Variants in CACNA1E observed in about 807,000 individuals in gnomAD.
CACNA1E encodes the protein voltage-dependent R-type calcium channel subunit alpha-1E.
Under a neutral mutation model 259.2 loss-of-function variants are expected in CACNA1E, and 40 were observed. That is an observed-to-expected ratio of 0.15 (90% confidence interval 0.12 to 0.20). CACNA1E has a LOEUF of 0.20. CACNA1E is among the 10% of genes least tolerant of loss of function. The pLI is 1.00. For synonymous variants in CACNA1E, 1,104 were observed against 1,138.5 expected, an observed-to-expected ratio of 0.97 and a Z score of 0.61; for missense variants, 1,874 against 3,040.1, an observed-to-expected ratio of 0.62 and a Z score of 9.02.
At chr1:181,413,637 G>A (rs966349913) in intron 2 of CACNA1E, 1 of 152,802 alleles carries the variant, frequency 6.5e-6, no homozygotes, top group African/African-American at 2.4e-5. Context: ...AGGTCGGGGT[G>A]GGTTCCTGGA....
chr1:181,714,240 T>C lies in CACNA1E; in HGVS notation c.1172-1098T>C, dbSNP rs1572679509. Among the ~76,000 whole-genome samples, 3 of 152,178 alleles carry C rather than the reference T, an allele frequency of 2.0e-5. No homozygotes were observed. In the South Asian group the frequency reaches 6.2e-4, roughly 32 times the overall value. ...ACTCCCCACTGGTTCAGTAATTTGT[T>C]AGAATGACTCACAGAACTTTGGCAA... On this transcript the variant is annotated intron_variant, in intron 8 of 47. Coordinates refer to ENST00000367573, the MANE Select transcript of CACNA1E (RefSeq NM_001205293.3).
At chr1:181,615,297 T>A (rs1427010068) in intron 6 of CACNA1E, among the ~76,000 whole-genome samples, 4 of 152,118 alleles carry the variant, frequency 2.6e-5, no homozygotes, top group African/African-American at 9.7e-5. Flanking sequence ...TTCGAGCAAT[T>A]CTCTGTCTCA....
In CACNA1E at chr1:181,338,676, G is replaced by A. The variant is rs749559531; in HGVS notation, c.-15+20553G>A. 7.2e-5 allele frequency among the ~76,000 whole-genome samples: 11 copies of A among 152,022 alleles called. 1 individual carries two copies. Among genetic ancestry groups the A allele is most frequent in the Non-Finnish European group, 1.0e-4 (7 of 67,986 alleles). ...TTTTTAGTTTGATGCAGTACCACTT[G>A]TTTATTTTTGCTTTTGTTACCTAAG... On this transcript the variant is annotated intron_variant, in intron 1 of 11. Coordinates refer to the CACNA1E transcript ENST00000524607.
intron 1 of CACNA1E, among the ~76,000 whole-genome samples, chr1:181,496,414 C>T (rs1664757048): frequency 6.6e-6 from 1 of 152,222 alleles, no homozygotes; most frequent in South Asian, 2.1e-4. Context: ...GAAGGATCCC[C>T]TTTAGATCCT....
chr1:181,394,118 G>C (rs931163516), intron 1 of CACNA1E, among the ~76,000 whole-genome samples: 1 of 146,308 alleles, frequency 6.8e-6, no homozygotes, highest in Admixed American at 6.7e-5. Context: ...CTCAGTCCAG[G>C]TGTGTGTGGA....
intron 2 of CACNA1E, among the ~76,000 whole-genome samples, chr1:181,475,491 GAGA>G (rs934442486): frequency 2.6e-4 from 40 of 152,308 alleles, no homozygotes; most frequent in African/African-American, 8.7e-4. Context: ...CTAGGAGTGG[GAGA>G]AGCAGAAAAG....
At chr1:181,779,703 A>G (rs947557719) in intron 38 of CACNA1E, among the ~76,000 whole-genome samples, 3 of 152,140 alleles carry the variant, frequency 2.0e-5, no homozygotes, top group Non-Finnish European at 4.4e-5. Flanking sequence ...CAGCTGTTAC[A>G]TAAAGATAAG....
intron 25 of CACNA1E, among the ~76,000 whole-genome samples, chr1:181,747,969 C>T (rs1447495363): frequency 6.6e-6 from 1 of 152,198 alleles, no homozygotes; most frequent in Non-Finnish European, 1.5e-5. Flanking sequence ...GTACTCTTTT[C>T]ATTTCAAATG....
At chr1:181,495,470 G>A (rs1664668275) in intron 1 of CACNA1E, among the ~76,000 whole-genome samples, 1 of 152,206 alleles carries the variant, frequency 6.6e-6, no homozygotes, top group African/African-American at 2.4e-5. Context: ...TACATGCAAA[G>A]TGCTTGGAAC....
At position 181,803,368 on chromosome 1, in the gene CACNA1E, CTTATT is replaced by C. The variant is rs1358416793; in HGVS notation, c.*4538_*4542del. On this transcript the variant is annotated 3_prime_UTR_variant, in exon 48 of 48. Transcript: ENST00000367573. ...TTTAAAATATCTCCACATTGAGACT[CTTATT>C]TTAACAAAATCCAAACAAAATTAAC... is the stretch of plus-strand genomic sequence containing the variant. 1 of 152,200 alleles carries C rather than the reference CTTATT, an allele frequency of 6.6e-6. No homozygotes were observed. The highest frequency in any genetic ancestry group is 2.4e-5 in the African/African-American group (1 of 41,446). 9.4% of individuals were successfully genotyped at this position (152,200 alleles called of 1,614,324 possible).
chr1:181,432,696 C>T (rs1159535146), intron 2 of CACNA1E, among the ~76,000 whole-genome samples: 1 of 152,222 alleles, frequency 6.6e-6, no homozygotes, highest in East Asian at 1.9e-4. Context: ...GTTTTGGTCT[C>T]CCCTCTCTCA....
intron 1 of CACNA1E, among the ~76,000 whole-genome samples, chr1:181,402,980 G>A (rs1657212038): frequency 6.6e-6 from 1 of 152,072 alleles, no homozygotes; most frequent in East Asian, 1.9e-4. Flanking sequence ...TACCCAATAG[G>A]TTGGTTAATA....
intron 1 of CACNA1E, among the ~76,000 whole-genome samples, chr1:181,412,270 C>A (rs1657907206): frequency 6.6e-6 from 1 of 152,194 alleles, no homozygotes; most frequent in Non-Finnish European, 1.5e-5. Context: ...GGACCCAGTT[C>A]TCAAGAAGAG....
At chr1:181,638,973 A>G (rs1657487858) in intron 6 of CACNA1E, among the ~76,000 whole-genome samples, 2 of 152,184 alleles carry the variant, frequency 1.3e-5, no homozygotes, top group Admixed American at 6.5e-5. Context: ...CAGTGTGAAA[A>G]CAAACCAATA....
chr1:181,540,850 C>T (rs1205901006), intron 3 of CACNA1E, among the ~76,000 whole-genome samples: 2 of 152,180 alleles, frequency 1.3e-5, no homozygotes, highest in East Asian at 3.8e-4. Flanking sequence ...TATAAAGGCT[C>T]CTGTGTCTTA....
intron 7 of CACNA1E, among the ~76,000 whole-genome samples, chr1:181,671,352 G>GTCAGGCAC (rs1242927461): frequency 2.6e-5 from 4 of 152,214 alleles, no homozygotes. Context: ...GCACCAATAT[G>GTCAGGCAC]TCAGGCACTC....
intron 2 of CACNA1E, among the ~76,000 whole-genome samples, chr1:181,447,993 TGA>T (rs1380131112): frequency 5.3e-5 from 8 of 152,204 alleles, no homozygotes; most frequent in African/African-American, 1.9e-4. Context: ...AGAGCTGGTG[TGA>T]TTAGATAAGA....
At chr1:181,736,731 G>T (rs1374506990) in intron 22 of CACNA1E, among the ~76,000 whole-genome samples, 1 of 152,198 alleles carries the variant, frequency 6.6e-6, no homozygotes, top group African/African-American at 2.4e-5. Flanking sequence ...AGTGTGGAGG[G>T]AGGAAGGAAA....
intron 6 of CACNA1E, among the ~76,000 whole-genome samples, chr1:181,589,571 G>A (rs1028709862): frequency 1.3e-5 from 2 of 152,044 alleles, no homozygotes; most frequent in Non-Finnish European, 2.9e-5. Context: ...GTGAACTGCT[G>A]AGCCTGGCTT....
Sources: allele counts gnomAD v4.1 joint callset (sites outside exome capture counted in the v4.1 genomes callset), GRCh38; gene constraint gnomAD v4.1.1; transcripts MANE v1.5; gene names NCBI Gene and HGNC (gene_info 2026-07-23, HGNC 2026-07-21).